C1orf159: variants seen among roughly 807,000 people sequenced by gnomAD.
The protein encoded by C1orf159 is uncharacterized protein C1orf159.
Under a neutral mutation model 25.6 loss-of-function variants are expected in C1orf159, and 19 were observed. The observed-to-expected ratio is 0.74, with a 90% CI of 0.52 to 1.09. The LOEUF (loss-of-function observed/expected upper bound fraction) is 1.09, where lower values mean the gene tolerates loss of function less well. Among genes scored for constraint, C1orf159 ranks in the 50% least tolerant of loss-of-function variants. C1orf159 has a pLI of 0.00. For synonymous variants in C1orf159, 139 were observed against 124.7 expected (o/e 1.12, Z -0.77); for missense variants, 274 against 290.6 (o/e 0.94, Z 0.42).
chr1:1,090,751 C>T (rs1645917053), intron 3 of C1orf159: 2 of 868,488 alleles, frequency 2.3e-6, no homozygotes, highest in Admixed American at 2.0e-5. Flanking sequence ...TCTCCGGAGG[C>T]TCTCCATCAG....
intron 1 of C1orf159, 104 bp from the exon 2 acceptor site, chr1:1,092,207 C>A: frequency 3.4e-6 from 1 of 295,728 alleles, no homozygotes; most frequent in East Asian, 1.1e-4. Flanking sequence ...CCTCTGTCCA[C>A]ACCCTTGCCG....
intron 1 of C1orf159, chr1:1,092,614 G>C (rs1645957369): frequency 6.5e-6 from 1 of 153,122 alleles, no homozygotes; most frequent in Non-Finnish European, 1.5e-5. Context: ...CCTCTTGATG[G>C]GCCTAGGCCG....
At chr1:1,083,686 C>G in intron 9 of C1orf159, 1 of 574,422 alleles carries the variant, frequency 1.7e-6, no homozygotes. Flanking sequence ...ACTCGGGCAC[C>G]GTGGGGTCTG....
intron 3 of C1orf159, chr1:1,091,025 G>A (rs1365418799): frequency 2.0e-6 from 3 of 1,471,168 alleles, no homozygotes; most frequent in Admixed American, 2.0e-5. Flanking sequence ...GGTGACTGCG[G>A]AGTGCGGGAT....
rs762698287 is a variant in C1orf159 at position 1,087,452 on chromosome 1, C to T, written c.244+50G>A. 4.6e-5 allele frequency: 68 copies of T among 1,466,500 alleles called. No homozygotes were observed. Among genetic ancestry groups the T allele is most frequent in the Non-Finnish European group, 6.1e-5 (66 of 1,075,868 alleles). 90.8% of individuals were successfully genotyped at this position (1,466,500 alleles called of 1,614,324 possible). A position where few individuals can be genotyped will look rare whatever the true frequency, so the allele number is the denominator to read the frequency against. ...CAGACAGCAACTCCCACAGTGTCTC[C>T]CACAGCTGGAGCTGTGAGAAGGGAG... On this transcript the variant is annotated intron_variant, in intron 5 of 9. Coordinates refer to ENST00000421241, the MANE Select transcript of C1orf159 (RefSeq NM_017891.5). The surrounding 1 kb of genome is among the most constrained non-coding windows in gnomAD (Gnocchi z 8.3).
At chr1:1,113,625 G>A (rs1646292659) in intron 1 of C1orf159, among the ~76,000 whole-genome samples, 1 of 152,178 alleles carries the variant, frequency 6.6e-6, no homozygotes, top group Non-Finnish European at 1.5e-5. Context: ...TGATGGACGG[G>A]TAGGAGGCAG....
intron 1 of C1orf159, among the ~76,000 whole-genome samples, chr1:1,113,913 CTTTTT>C (rs763307791): frequency 4.1e-5 from 5 of 121,012 alleles, no homozygotes; most frequent in African/African-American, 1.3e-4. Context: ...CCCTCGAGGC[CTTTTT>C]TTTTTTTTTT....
At chr1:1,101,813 T>C (rs960588013) in intron 1 of C1orf159, among the ~76,000 whole-genome samples, 1 of 152,128 alleles carries the variant, frequency 6.6e-6, no homozygotes, top group Non-Finnish European at 1.5e-5. Flanking sequence ...GGCTTACACC[T>C]GTAATCCCAG....
intron 1 of C1orf159, among the ~76,000 whole-genome samples, chr1:1,094,111 TG>T (rs1645978476): frequency 6.7e-6 from 1 of 149,300 alleles, no homozygotes; most frequent in South Asian, 2.1e-4. Flanking sequence ...TTGGCAGGGG[TG>T]GGGGGCATAG....
chr1:1,098,128 G>A (rs923344488), intron 1 of C1orf159, among the ~76,000 whole-genome samples: 4 of 151,906 alleles, frequency 2.6e-5, no homozygotes, highest in African/African-American at 9.7e-5. Flanking sequence ...GAGTGCAGTG[G>A]TGCGATCTTG....
chr1:1,090,890 C>T (rs1335913447), intron 3 of C1orf159: 3 of 1,550,162 alleles, frequency 1.9e-6, no homozygotes, highest in East Asian at 2.4e-5. Flanking sequence ...TGTGTGAGGG[C>T]CCATTCCCTG....
intron 9 of C1orf159, chr1:1,083,926 T>C (rs1481617746): frequency 1.1e-5 from 17 of 1,588,056 alleles, no homozygotes; most frequent in Non-Finnish European, 1.5e-5. Context: ...GGGCTGACTC[T>C]TGGGTCCGCC....
intron 1 of C1orf159, among the ~76,000 whole-genome samples, chr1:1,107,712 GCTGC>G (rs1448067714): frequency 6.6e-6 from 1 of 152,202 alleles, no homozygotes; most frequent in Non-Finnish European, 1.5e-5. Flanking sequence ...ATAAAAGCAG[GCTGC>G]CGGAGCCAGC....
rs529893011 is a variant in C1orf159, at chr1:1,086,545, G to A, written c.311-533C>T. On this transcript the variant is annotated intron_variant, in intron 6 of 9. Transcript: ENST00000421241. Reference sequence around the variant, plus strand: ...GCTGGGTGTGCTCTGAGATGCTGGGGAGGAGACTCCCCAACCCTGAGACAC... The same window carrying A: ...GCTGGGTGTGCTCTGAGATGCTGGGAAGGAGACTCCCCAACCCTGAGACAC... Among the ~76,000 whole-genome samples, 22 of 152,360 alleles carry A rather than the reference G, an allele frequency of 1.4e-4. No individual in the cohort carries two copies. In the South Asian group the frequency reaches 2.7e-3, roughly 19 times the overall value.
chr1:1,104,636 C>A (rs1646146605), intron 1 of C1orf159, among the ~76,000 whole-genome samples: 1 of 152,170 alleles, frequency 6.6e-6, no homozygotes, highest in South Asian at 2.1e-4. Context: ...TGGGCAGTAA[C>A]AAGCCTGCAT....
At chr1:1,083,063 G>GA in intron 9 of C1orf159, 76 bp from the exon 10 acceptor site, 2 of 1,270,320 alleles carry the variant, frequency 1.6e-6, no homozygotes, top group Non-Finnish European at 2.2e-6. Flanking sequence ...AGCCCTCACC[G>GA]GAGGCTCTCG....
intron 1 of C1orf159, among the ~76,000 whole-genome samples, chr1:1,099,709 G>C (rs1464184871): frequency 7.6e-6 from 1 of 131,936 alleles, no homozygotes; most frequent in Non-Finnish European, 1.6e-5. Flanking sequence ...GAATTGGAGA[G>C]AGAGAGAGGT....
chr1:1,107,113 G>A (rs907289954), intron 1 of C1orf159, among the ~76,000 whole-genome samples: 24 of 152,198 alleles, frequency 1.6e-4, no homozygotes, highest in African/African-American at 4.1e-4. Flanking sequence ...CGCGGCACCC[G>A]ATCCCATCAA....
chr1:1,082,666 A>G lies in C1orf159; in HGVS notation c.*227T>C. 1.8e-6 allele frequency: 1 copy of G among 567,556 alleles called. No homozygotes were observed. The highest frequency in any genetic ancestry group is 3.1e-5 in the Admixed American group (1 of 32,240). 35.2% of individuals were successfully genotyped at this position (567,556 alleles called of 1,614,324 possible). A position where few individuals can be genotyped will look rare whatever the true frequency, so the allele number is the denominator to read the frequency against. ...GATCTGAAGCTCTGAGGTCTCATGG[A>G]TGCCTGCTCCTGGTCCGATAAACGA... On this transcript the variant is annotated 3_prime_UTR_variant, in exon 10 of 10. Transcript: ENST00000421241.
Sources: gnomAD v4.1 joint callset for allele counts (sites outside exome capture counted in the v4.1 genomes callset) on GRCh38, gnomAD v4.1.1 for gene constraint, Gnocchi (gnomAD v3.1) non-coding constraint, MANE v1.5 for transcripts, NCBI Gene and HGNC (gene_info 2026-07-23, HGNC 2026-07-21) for gene names.